SCARA3: variants seen among roughly 807,000 people sequenced by gnomAD.
SCARA3 encodes scavenger receptor class A member 3, also known as cellular stress response gene protein.
Under a neutral mutation model 47.0 loss-of-function variants are expected in SCARA3, and 39 were observed. That is an observed-to-expected ratio of 0.83 (90% CI 0.64 to 1.08). The LOEUF is 1.08. Among genes scored for constraint, SCARA3 ranks in the 50% least tolerant of loss-of-function variants. SCARA3 has a pLI of 0.00. For missense variants in SCARA3, 724 were observed against 792.3 expected (o/e 0.91, Z 1.04); for synonymous variants, 356 against 334.1 (o/e 1.07, Z -0.71).
the SCARA3 span, among the ~76,000 whole-genome samples, chr8:27,713,937 G>A: frequency 1.3e-5 from 2 of 152,254 alleles, no homozygotes; most frequent in African/African-American, 4.8e-5. Context: ...TCATGGCTTG[G>A]TGCTGTCTTT....
downstream of SCARA3, among the ~76,000 whole-genome samples, chr8:27,673,736 C>T (rs1802218420): frequency 6.6e-6 from 1 of 152,174 alleles, no homozygotes; most frequent in Admixed American, 6.5e-5. Context: ...TAAACATCAG[C>T]CATTGTCACG....
downstream of SCARA3, among the ~76,000 whole-genome samples, chr8:27,677,887 C>T (rs775937354): frequency 6.6e-5 from 10 of 152,092 alleles, no homozygotes; most frequent in Non-Finnish European, 8.8e-5. Flanking sequence ...GAAATAAGCA[C>T]AGAAAGATAT....
chr8:27,688,096 G>C, the SCARA3 span, among the ~76,000 whole-genome samples: 1 of 152,090 alleles, frequency 6.6e-6, no homozygotes, highest in East Asian at 1.9e-4. Flanking sequence ...ATTCTGGACC[G>C]GAATAGTAGG....
At chr8:27,669,653 C>T (rs903188819) in intron 5 of SCARA3, among the ~76,000 whole-genome samples, 2 of 152,370 alleles carry the variant, frequency 1.3e-5, no homozygotes, top group Admixed American at 6.5e-5. Flanking sequence ...GCCACATCCC[C>T]GTGGCGGGAG....
At chr8:27,712,984 GT>G in the SCARA3 span, among the ~76,000 whole-genome samples, 1 of 152,024 alleles carries the variant, frequency 6.6e-6, no homozygotes, top group Non-Finnish European at 1.5e-5. Context: ...AAATAATTTA[GT>G]TGTATTTTCA....
chr8:27,641,901 A>G (rs753410075), intron 1 of SCARA3, among the ~76,000 whole-genome samples: 1 of 152,224 alleles, frequency 6.6e-6, no homozygotes, highest in Non-Finnish European at 1.5e-5. Context: ...GTCATTGTCC[A>G]GAACAGTGTT....
intron 3 of SCARA3, among the ~76,000 whole-genome samples, chr8:27,653,141 C>G (rs919532318): frequency 6.6e-6 from 1 of 152,226 alleles, no homozygotes; most frequent in Admixed American, 6.5e-5. Flanking sequence ...AGGGCCTCTG[C>G]TCACAGCACT....
At chr8:27,714,487 C>T in the SCARA3 span, among the ~76,000 whole-genome samples, 9 of 152,254 alleles carry the variant, frequency 5.9e-5, no homozygotes, top group Non-Finnish European at 1.3e-4. Flanking sequence ...GCCACCACGC[C>T]GGGCCTCAGG....
the SCARA3 span, among the ~76,000 whole-genome samples, chr8:27,728,650 C>G: frequency 6.6e-6 from 1 of 152,152 alleles, no homozygotes; most frequent in Non-Finnish European, 1.5e-5. Context: ...AGCTGAAGTT[C>G]TGAATTATAT....
chr8:27,671,947 G>A lies in SCARA3; in HGVS notation c.*596G>A. On this transcript the variant is annotated 3_prime_UTR_variant, in exon 6 of 6. Coordinates refer to ENST00000301904, the MANE Select transcript of SCARA3 (RefSeq NM_016240.3). Reference sequence around the variant, plus strand: ...GCCTGCCAGGGAGGCAGCTACCTCGGGAGGAAGGTCTCACATCTGTCTCTG... The same window carrying A: ...GCCTGCCAGGGAGGCAGCTACCTCGAGAGGAAGGTCTCACATCTGTCTCTG... The A allele has an allele frequency of 1.0e-6, 1 of 985,420 alleles. No homozygotes were observed. Among genetic ancestry groups the A allele is most frequent in the Non-Finnish European group, 1.2e-6 (1 of 829,934 alleles). 61.0% of individuals were successfully genotyped at this position (985,420 alleles called of 1,614,324 possible).
At chr8:27,730,791 GC>G in the SCARA3 span, among the ~76,000 whole-genome samples, 3 of 151,760 alleles carry the variant, frequency 2.0e-5, no homozygotes, top group Non-Finnish European at 2.9e-5. Flanking sequence ...GCCCCTGGCT[GC>G]CTTTGATTTT....
intron 5 of SCARA3, among the ~76,000 whole-genome samples, chr8:27,665,574 G>C (rs1801999387): frequency 6.6e-6 from 1 of 152,132 alleles, no homozygotes; most frequent in Non-Finnish European, 1.5e-5. Flanking sequence ...GTCTCACTTT[G>C]TTGCCCAGAC....
chr8:27,709,328 C>G, the SCARA3 span, among the ~76,000 whole-genome samples: 1 of 152,080 alleles, frequency 6.6e-6, no homozygotes, highest in Non-Finnish European at 1.5e-5. Context: ...TAACTTGGGC[C>G]CAGGGAGGAG....
the SCARA3 span, among the ~76,000 whole-genome samples, chr8:27,711,684 GTATT>G: frequency 6.6e-6 from 1 of 151,856 alleles, no homozygotes; most frequent in African/African-American, 2.4e-5. Context: ...ATATATTTTT[GTATT>G]TATTAATGTG....
intron 1 of SCARA3, among the ~76,000 whole-genome samples, chr8:27,649,103 G>T (rs541161180): frequency 3.4e-4 from 52 of 152,314 alleles, no homozygotes; most frequent in African/African-American, 1.2e-3. Flanking sequence ...GGACCATATT[G>T]TCCCAGAGAA....
Position 27,671,312 on chromosome 8 carries a change from G to C in SCARA3, c.1782G>C (p.Pro594=). The part of the protein sequence containing the change: ...EPGIQGPPGL[P]GPPGPPGSQS... ...GGATCCAGGGTCCCCCTGGTCTCCC[G>C]GGGCCTCCAGGTCCACCAGGAAGCC... The change falls in exon 6 of 6, where the codon CCG becomes CCC. Residue 594 remains proline (P), a synonymous_variant. Transcript: ENST00000301904. The C allele has an allele frequency of 7.0e-7, 1 of 1,430,016 alleles. No homozygotes were observed. Among genetic ancestry groups the C allele is most frequent in the Non-Finnish European group, 9.2e-7 (1 of 1,091,674 alleles). The allele number at this position is 1,430,016 out of a possible 1,614,324, so 88.6% of individuals were successfully genotyped here.
the SCARA3 span, among the ~76,000 whole-genome samples, chr8:27,690,288 G>A: frequency 4.7e-5 from 3 of 63,802 alleles, no homozygotes; most frequent in African/African-American, 1.2e-4. Context: ...AGCAGCCAGC[G>A]CACATTTAAA....
At position 27,658,608 on chromosome 8, in the gene SCARA3, G is replaced by A; in HGVS notation, c.438G>A (p.Gln146=). The A allele has an allele frequency of 6.2e-7, 1 of 1,614,156 alleles. No homozygotes were observed. ...LEGIQKLLLA[Q]EVQLDQTLQA... ...GAATTCAGAAGCTGCTTCTGGCCCA[G>A]GAGGTGCAGCTGGACCAGACCTTAC... is the stretch of plus-strand genomic sequence containing the variant. Residue 146 remains glutamine, a synonymous_variant, in exon 5 of 6, where the codon CAG becomes CAA. Transcript: ENST00000301904.
downstream of SCARA3, among the ~76,000 whole-genome samples, chr8:27,673,252 A>G (rs1445355004): frequency 1.3e-5 from 2 of 152,258 alleles, no homozygotes; most frequent in Non-Finnish European, 2.9e-5. Flanking sequence ...AGCCCAATGC[A>G]TCTTGCAGCC....
Sources: allele counts gnomAD v4.1 joint callset (sites outside exome capture counted in the v4.1 genomes callset), GRCh38; gene constraint gnomAD v4.1.1; transcripts MANE v1.5; gene names NCBI Gene and HGNC (gene_info 2026-07-23, HGNC 2026-07-21).